Variants in LAMA2 observed in about 807,000 individuals in gnomAD.
The protein encoded by LAMA2 is laminin subunit alpha-2.
In LAMA2, 269 loss-of-function variants were observed where a neutral mutation model predicts 364.8. That is an observed-to-expected ratio of 0.74 (90% CI 0.67 to 0.82). LAMA2 has a LOEUF of 0.82. LAMA2 is among the 40% of genes least tolerant of loss of function. The probability of loss-of-function intolerance (pLI) is 0.00; values close to 1 mark genes in which losing one functional copy is unlikely to be tolerated. For missense variants in LAMA2, 3,807 were observed against 3,873.2 expected (o/e 0.98, Z 0.45); for synonymous variants, 1,379 against 1,370.6 (o/e 1.01, Z -0.14).
At chr6:129,233,217 T>A (rs971770591) in intron 12 of LAMA2, among the ~76,000 whole-genome samples, 19 of 152,046 alleles carry the variant, frequency 1.2e-4, no homozygotes, top group African/African-American at 4.3e-4. Context: ...TACAGAACCA[T>A]GAGATAATAT....
intron 35 of LAMA2, among the ~76,000 whole-genome samples, chr6:129,389,831 C>A (rs1779221386): frequency 6.6e-6 from 1 of 152,162 alleles, no homozygotes; most frequent in African/African-American, 2.4e-5. Flanking sequence ...GGGAGGTTTG[C>A]TCCCATGATT....
chr6:129,064,802 C>A (rs186161561), intron 3 of LAMA2, among the ~76,000 whole-genome samples: 250 of 152,190 alleles, frequency 1.6e-3, no homozygotes, highest in African/African-American at 5.6e-3. Context: ...AAGCCCAGAA[C>A]CTGATGGTTT....
intron 1 of LAMA2, among the ~76,000 whole-genome samples, chr6:128,914,855 G>C (rs1439095426): frequency 6.6e-6 from 1 of 152,020 alleles, no homozygotes; most frequent in Non-Finnish European, 1.5e-5. Context: ...ATTTTGTAAT[G>C]TTTAAAATGT....
At chr6:129,102,608 T>A (rs1775582927) in intron 4 of LAMA2, among the ~76,000 whole-genome samples, 1 of 152,224 alleles carries the variant, frequency 6.6e-6, no homozygotes, top group South Asian at 2.1e-4. Context: ...AATTCTAATA[T>A]ATGGCCTTTT....
At position 129,402,416 on chromosome 6, in the gene LAMA2, G is replaced by T. The variant is rs368325295; in HGVS notation, c.5655G>T (p.Lys1885Asn). The T allele has an allele frequency of 5.0e-6, 8 of 1,613,982 alleles. No homozygotes were observed. Among genetic ancestry groups the T allele is most frequent in the Non-Finnish European group, 6.8e-6 (8 of 1,180,002 alleles). ...DDLSQEIKDR[K>N]LAEKVSQAES... Reference sequence around the variant, plus strand: ...TCTCCCAAGAAATAAAGGACAGGAAGCTTGCTGAGAAGGTGTCCCAGGCTG... The same window carrying T: ...TCTCCCAAGAAATAAAGGACAGGAATCTTGCTGAGAAGGTGTCCCAGGCTG... Residue 1885 changes from lysine to asparagine, a missense_variant, in exon 39 of 65, where the codon AAG becomes AAT. Lys to Asn is a moderately conservative substitution (Grantham distance 94). Transcript: ENST00000421865.
intron 12 of LAMA2, among the ~76,000 whole-genome samples, chr6:129,243,355 C>T (rs1344109300): frequency 6.6e-6 from 1 of 152,078 alleles, no homozygotes; most frequent in Non-Finnish European, 1.5e-5. Context: ...ATATGCCTTT[C>T]ACAGTTACTC....
chr6:129,401,558 A>C (rs1194832874), intron 38 of LAMA2, among the ~76,000 whole-genome samples: 1 of 152,242 alleles, frequency 6.6e-6, no homozygotes, highest in Non-Finnish European at 1.5e-5. Flanking sequence ...GTACTCACAC[A>C]TTCACACATA....
chr6:129,051,513 T>G (rs752557899), intron 2 of LAMA2, among the ~76,000 whole-genome samples: 1 of 144,764 alleles, frequency 6.9e-6, no homozygotes, highest in Non-Finnish European at 1.5e-5. Flanking sequence ...GGTTTTACCA[T>G]GTTGGCCAGG....
chr6:128,964,793 T>C (rs1781737426), intron 1 of LAMA2, among the ~76,000 whole-genome samples: 1 of 152,076 alleles, frequency 6.6e-6, no homozygotes, highest in East Asian at 1.9e-4. Flanking sequence ...CCACACACAC[T>C]TCTCATCTGG....
At chr6:128,883,676 G>GA (rs556920764) in intron 1 of LAMA2, among the ~76,000 whole-genome samples, 61 of 151,140 alleles carry the variant, frequency 4.0e-4, no homozygotes, top group South Asian at 6.3e-4. Flanking sequence ...TTTCCAATTG[G>GA]AAAAAAAAGA....
At chr6:129,128,309 C>T (rs1481183581) in intron 4 of LAMA2, among the ~76,000 whole-genome samples, 2 of 152,144 alleles carry the variant, frequency 1.3e-5, no homozygotes, top group Non-Finnish European at 2.9e-5. Flanking sequence ...ATTGGTTGTA[C>T]ATGCATAAGT....
chr6:129,507,757 G>T, intron 62 of LAMA2, 115 bp downstream of exon 62: 1 of 1,060,902 alleles, frequency 9.4e-7, no homozygotes, highest in South Asian at 1.4e-5. Flanking sequence ...CTTTATTTAA[G>T]CCAAAAAGAA....
intron 1 of LAMA2, among the ~76,000 whole-genome samples, chr6:128,989,830 C>T (rs763706210): frequency 1.3e-5 from 2 of 152,124 alleles, no homozygotes; most frequent in Admixed American, 6.6e-5. Context: ...AGTCCAAGAC[C>T]ACAGCAGTGG....
chr6:129,240,212 G>A (rs1031083503), intron 12 of LAMA2, among the ~76,000 whole-genome samples: 23 of 152,276 alleles, frequency 1.5e-4, no homozygotes, highest in East Asian at 3.9e-4. Flanking sequence ...TCCTAGCCAC[G>A]CTGGCAGCTG....
intron 3 of LAMA2, among the ~76,000 whole-genome samples, chr6:129,097,893 G>C (rs1775280808): frequency 6.6e-6 from 1 of 152,224 alleles, no homozygotes; most frequent in African/African-American, 2.4e-5. Context: ...TAATTATAAT[G>C]GAACTTTAAA....
intron 8 of LAMA2, chr6:129,159,240 A>G: frequency 1.2e-6 from 1 of 865,610 alleles, no homozygotes; most frequent in Admixed American, 1.8e-5. Context: ...GCACTTGACA[A>G]TGACTTCAAC....
At chr6:128,991,467 G>A (rs77877998) in intron 1 of LAMA2, among the ~76,000 whole-genome samples, 17,346 of 152,108 alleles carry the variant, frequency 0.11, 1,077 homozygotes, top group Middle Eastern at 0.19. Context: ...AAATTTTTCC[G>A]AGTAAAATGC....
intron 22 of LAMA2, among the ~76,000 whole-genome samples, chr6:129,310,997 T>C (rs1774184240): frequency 1.3e-5 from 2 of 152,086 alleles, no homozygotes; most frequent in South Asian, 4.1e-4. Flanking sequence ...AGAGCGTGTG[T>C]GCAGACCAAA....
At chr6:129,103,940 C>T (rs1775672615) in intron 4 of LAMA2, among the ~76,000 whole-genome samples, 1 of 151,982 alleles carries the variant, frequency 6.6e-6, no homozygotes, top group Non-Finnish European at 1.5e-5. Context: ...TCTTCCAGAC[C>T]TTCAAAATAT....
Sources: gnomAD v4.1 joint callset for allele counts (sites outside exome capture counted in the v4.1 genomes callset) on GRCh38, gnomAD v4.1.1 for gene constraint, MANE v1.5 for transcripts, NCBI Gene and HGNC (gene_info 2026-07-23, HGNC 2026-07-21) for gene names.